PDCD7: variants seen among roughly 807,000 people sequenced by gnomAD.
The protein encoded by PDCD7 is programmed cell death protein 7.
In PDCD7, 40 loss-of-function variants were observed where a neutral mutation model predicts 42.1. That is an observed-to-expected ratio of 0.95 (90% CI 0.74 to 1.24). PDCD7 has a LOEUF of 1.24. PDCD7 is among the 50% of genes most tolerant of loss of function. The pLI is 0.00. For missense variants in PDCD7, 644 were observed against 662.8 expected (o/e 0.97, Z 0.31); for synonymous variants, 299 against 303.3 (o/e 0.99, Z 0.15).
intron 1 of PDCD7, among the ~76,000 whole-genome samples, chr15:65,129,803 A>G (rs1023637115): frequency 1.3e-5 from 2 of 151,936 alleles, no homozygotes; most frequent in Non-Finnish European, 2.9e-5. Flanking sequence ...GTCCCTAGCT[A>G]TTCCTACTCA....
At position 65,133,293 on chromosome 15, in the gene PDCD7, C is replaced by T; in HGVS notation, c.489G>A (p.Gln163=). 2 of 1,316,282 alleles carry T rather than the reference C, an allele frequency of 1.5e-6. No individual in the cohort carries two copies. Among genetic ancestry groups the T allele is most frequent in the Non-Finnish European group, 1.9e-6 (2 of 1,038,732 alleles). 81.5% of individuals were successfully genotyped at this position (1,316,282 alleles called of 1,614,324 possible). The part of the protein sequence containing the change: ...TPRRAGCPVP[Q]RTHAGPSLGE... ...CAAGGCTGGGCCCGGCATGCGTGCG[C>T]TGGGGCACCGGACAGCCTGCCCGCC... The change falls in exon 1 of 5, where the codon CAG becomes CAA. Residue 163 remains glutamine, a synonymous_variant. Transcript: ENST00000204549.
intron 2 of PDCD7, among the ~76,000 whole-genome samples, chr15:65,126,240 T>C (rs1430685854): frequency 1.3e-5 from 2 of 152,214 alleles, no homozygotes; most frequent in Non-Finnish European, 2.9e-5. Flanking sequence ...GTCTCTTTTT[T>C]GCTCTCTTCA....
chr15:65,126,696 G>A (rs954080287), intron 2 of PDCD7, among the ~76,000 whole-genome samples: 1 of 151,082 alleles, frequency 6.6e-6, no homozygotes, highest in African/African-American at 2.4e-5. Flanking sequence ...TAAGGCTGCA[G>A]TGAATTATGA....
Position 65,118,484 on chromosome 15 carries a change from C to A in PDCD7, c.*233G>T, listed in dbSNP as rs1017434170. The A allele has an allele frequency of 7.5e-5, 30 of 397,424 alleles. No homozygotes were observed. The highest frequency in any genetic ancestry group is 5.4e-4 in the African/African-American group (26 of 48,290). 24.6% of individuals were successfully genotyped at this position (397,424 alleles called of 1,614,324 possible). A position where few individuals can be genotyped will look rare whatever the true frequency, so the allele number is the denominator to read the frequency against. On this transcript the variant is annotated 3_prime_UTR_variant, in exon 5 of 5. Coordinates refer to ENST00000204549, the MANE Select transcript of PDCD7 (RefSeq NM_005707.2). ...TTTGGTGAACCAAGGTCATTCACTG[C>A]CTGTGGTAAAAACCTCAGTTCACCT...
At position 65,129,083 on chromosome 15, in the gene PDCD7, G is replaced by A. The variant is rs777456671; in HGVS notation, c.958C>T (p.Arg320Trp). Reference sequence around the variant, plus strand: ...AGTTTCCTCAATTTCTCCAAAGCCCGTAGAATGTCCACCATTCTTTTGGTA... The same window carrying A: ...AGTTTCCTCAATTTCTCCAAAGCCCATAGAATGTCCACCATTCTTTTGGTA... Reference protein sequence around the residue: ...ADTKRMVDILRALEKLRKLRK... With the variant: ...ADTKRMVDILWALEKLRKLRK... The change falls in exon 2 of 5, where the codon CGG (arginine) becomes TGG (tryptophan). Residue 320 changes from arginine (R) to tryptophan (W), a missense_variant. Arg to Trp is a moderately radical substitution (Grantham distance 101). Coordinates refer to ENST00000204549, the MANE Select transcript of PDCD7 (RefSeq NM_005707.2). The A allele has an allele frequency of 1.2e-5, 19 of 1,613,820 alleles. No homozygotes were observed. The highest frequency in any genetic ancestry group is 8.8e-5 in the South Asian group (8 of 91,076).
rs557844580 is a variant in PDCD7, at chr15:65,132,798, C to G, written c.870+114G>C. ...GAGCTGGGAAGGTTAGCTATCGCTT[C>G]ATTTTGCGCGTAAAACAGAGGCTTA... On this transcript the variant is annotated intron_variant, in intron 1 of 4. Coordinates refer to ENST00000204549, the MANE Select transcript of PDCD7 (RefSeq NM_005707.2). The G allele has an allele frequency of 9.9e-5, 146 of 1,477,172 alleles. 1 individual carries two copies. In the African/African-American group the frequency reaches 2.0e-3, roughly 20 times the overall value. The allele number at this position is 1,477,172 out of a possible 1,614,324, so 91.5% of individuals were successfully genotyped here.
chr15:65,119,474 A>G lies in PDCD7; in HGVS notation c.1247-11T>C. 6.3e-7 allele frequency: 1 copy of G among 1,579,510 alleles called. No homozygotes were observed. On this transcript the variant is annotated splice_polypyrimidine_tract_variant and intron_variant, in intron 3 of 4. Transcript: ENST00000204549. Reference sequence around the variant, plus strand: ...CAAGTGGGAACTCATCTGAAAGAGAAAAGCACAATACCACGTTATCATGCT... The same window carrying G: ...CAAGTGGGAACTCATCTGAAAGAGAGAAGCACAATACCACGTTATCATGCT...
intron 1 of PDCD7, among the ~76,000 whole-genome samples, chr15:65,131,530 C>T (rs1254276623): frequency 6.6e-6 from 1 of 152,100 alleles, no homozygotes; most frequent in Non-Finnish European, 1.5e-5. Flanking sequence ...GGGTGGATCA[C>T]CTGAGGTCAG....
intron 4 of PDCD7, 187 bp downstream of exon 4, chr15:65,119,179 CAAGGACTAAT>C: frequency 2.0e-6 from 1 of 512,216 alleles, no homozygotes; most frequent in Non-Finnish European, 3.4e-6. Flanking sequence ...ATCAACTTCT[CAAGGACTAAT>C]GAGGACTAAA....
At chr15:65,131,096 T>G (rs2087536585) in intron 1 of PDCD7, among the ~76,000 whole-genome samples, 1 of 152,112 alleles carries the variant, frequency 6.6e-6, no homozygotes, top group Admixed American at 6.5e-5. Context: ...GGCGAGCAAG[T>G]GAAGCTTCAT....
intron 2 of PDCD7, among the ~76,000 whole-genome samples, chr15:65,121,399 T>C (rs2087454047): frequency 6.6e-6 from 1 of 152,186 alleles, no homozygotes; most frequent in Non-Finnish European, 1.5e-5. Context: ...CTTGAAACAG[T>C]GAGCTCACTA....
intron 1 of PDCD7, among the ~76,000 whole-genome samples, chr15:65,130,947 TGAA>T (rs2087535178): frequency 1.3e-5 from 2 of 152,146 alleles, no homozygotes; most frequent in African/African-American, 4.8e-5. Flanking sequence ...CACCTATAGT[TGAA>T]TTCCTAACAC....
Position 65,119,899 on chromosome 15 carries a change from C to A in PDCD7, c.1065G>T (p.Leu355=). ...DETFTHHLQR[L]RKLIKKRSEL... The stretch of plus-strand genomic sequence containing the variant: ...CAGAGCGCTTTTTAATGAGTTTTCT[C>A]AGTCGCTGAAGATGATGCGTAAAAG... Residue 355 remains leucine, a synonymous_variant, in exon 3 of 5, where the codon CTG becomes CTT. Transcript: ENST00000204549. 2 of 1,614,176 alleles carry A rather than the reference C, an allele frequency of 1.2e-6. No individual in the cohort carries two copies. The highest frequency in any genetic ancestry group is 1.7e-6 in the Non-Finnish European group (2 of 1,180,050).
intron 4 of PDCD7, chr15:65,119,162 T>C (rs536585239): frequency 2.8e-4 from 141 of 497,296 alleles, no homozygotes; most frequent in African/African-American, 1.5e-3. Flanking sequence ...CCTATAAAAA[T>C]AGGGACATCA....
rs779453217 is a variant in PDCD7, at chr15:65,119,879, C to T, written c.1085G>A (p.Arg362His). 6.8e-6 allele frequency: 11 copies of T among 1,614,048 alleles called. No homozygotes were observed. Among genetic ancestry groups the T allele is most frequent in the East Asian group, 6.7e-5 (3 of 44,894 alleles). Residue 362 changes from arginine to histidine, a missense_variant, in exon 3 of 5, where the codon CGC becomes CAC. Arg to His is a conservative substitution (Grantham distance 29). Coordinates refer to ENST00000204549, the MANE Select transcript of PDCD7 (RefSeq NM_005707.2). Reference sequence around the variant, plus strand: ...CTCTTCAGCTTCATACAGTTCAGAGCGCTTTTTAATGAGTTTTCTCAGTCG... The same window carrying T: ...CTCTTCAGCTTCATACAGTTCAGAGTGCTTTTTAATGAGTTTTCTCAGTCG... ...LQRLRKLIKK[R>H]SELYEAEERA...
At chr15:65,119,622 T>C in intron 3 of PDCD7, 96 bp downstream of exon 3, 2 of 1,360,214 alleles carry the variant, frequency 1.5e-6, no homozygotes, top group African/African-American at 1.4e-5. Context: ...GAAGGTGTCA[T>C]TTGTTGCCTA....
chr15:65,133,486 G>A lies in PDCD7; in HGVS notation c.296C>T (p.Pro99Leu), dbSNP rs1249391126. Residue 99 changes from proline (P) to leucine (L), a missense_variant, in exon 1 of 5, where the codon CCG becomes CTG. Physicochemically the swap from Pro to Leu is moderately conservative, Grantham distance 98 (BLOSUM62 -3). Transcript: ENST00000204549. ...PPPPPQCRPF[P>L]GTDAGERPRP... Reference sequence around the variant, plus strand: ...CGGCCGCTCGCCGGCGTCGGTCCCCGGGAAGGGCCGACACTGGGGCGGCGG... The same window carrying A: ...CGGCCGCTCGCCGGCGTCGGTCCCCAGGAAGGGCCGACACTGGGGCGGCGG... 4.1e-6 allele frequency: 5 copies of A among 1,222,672 alleles called. No individual in the cohort carries two copies. Among genetic ancestry groups the A allele is most frequent in the East Asian group, 3.2e-5 (1 of 31,056 alleles). The allele number at this position is 1,222,672 out of a possible 1,614,324, so 75.7% of individuals were successfully genotyped here.
intron 4 of PDCD7, 88 bp downstream of exon 4, chr15:65,119,288 C>CAGTA: frequency 4.0e-6 from 3 of 747,744 alleles, no homozygotes; most frequent in Non-Finnish European, 4.4e-6. Context: ...AAAAAAAAGA[C>CAGTA]AGTAATAGAC....
intron 2 of PDCD7, among the ~76,000 whole-genome samples, chr15:65,123,781 C>T (rs2087475013): frequency 6.6e-6 from 1 of 152,202 alleles, no homozygotes; most frequent in African/African-American, 2.4e-5. Flanking sequence ...AGAAACACTA[C>T]AACTCAAATT....
Sources: gnomAD v4.1 joint callset for allele counts (sites outside exome capture counted in the v4.1 genomes callset) on GRCh38, gnomAD v4.1.1 for gene constraint, MANE v1.5 for transcripts, NCBI Gene and HGNC (gene_info 2026-07-23, HGNC 2026-07-21) for gene names.